The following TMC7 variants were observed in gnomAD, a reference collection of about 807,000 sequenced individuals.
TMC7 encodes the protein transmembrane channel like 7, also known as transmembrane channel-like protein 7.
TMC7 carries 54 observed loss-of-function variants against 82.9 expected under a neutral mutation model. The ratio of observed to expected loss-of-function variants is 0.65; its 90% CI spans 0.52 to 0.82. The LOEUF (loss-of-function observed/expected upper bound fraction) is 0.82, where lower values mean the gene tolerates loss of function less well. Ranked by LOEUF, TMC7 falls within the 40% of genes least tolerant of loss-of-function variation. The probability of loss-of-function intolerance (pLI) is 0.00; values close to 1 mark genes in which losing one functional copy is unlikely to be tolerated. For missense variants in TMC7, 820 were observed against 901.2 expected (o/e 0.91, Z 1.15); for synonymous variants, 350 against 337.9 (o/e 1.04, Z -0.39).
chr16:18,994,336 G>A (rs2039003226), intron 1 of TMC7, among the ~76,000 whole-genome samples: 1 of 152,004 alleles, frequency 6.6e-6, no homozygotes, highest in African/African-American at 2.4e-5. Context: ...TGCGAAAACA[G>A]TAAGGTCAAG....
intron 11 of TMC7, 78 bp from the exon 12 acceptor site, chr16:19,046,985 A>C (rs1412568472): frequency 7.9e-7 from 1 of 1,269,870 alleles, no homozygotes; most frequent in Non-Finnish European, 1.1e-6. Context: ...TATGCATGGA[A>C]ATAGTCCTGA....
chr16:19,008,570 C>T (rs753430523), intron 1 of TMC7, among the ~76,000 whole-genome samples: 6 of 152,120 alleles, frequency 3.9e-5, no homozygotes, highest in Non-Finnish European at 7.3e-5. Context: ...TCTGCAAGAC[C>T]TCCTAAGGCT....
chr16:18,989,488 T>C (rs1226019138), intron 1 of TMC7, among the ~76,000 whole-genome samples: 1 of 149,584 alleles, frequency 6.7e-6, no homozygotes, highest in Non-Finnish European at 1.5e-5. Flanking sequence ...TTTGTAACAA[T>C]CTGGTTTCCT....
rs1961496457 is a variant in TMC7, at chr16:19,050,669, AG to A, written c.1741-1014del. ...ATGGCTGGCTAATTTTTGTAGAGACAGGGTTTTTTTTAATAGAGATGGGGTT... is the reference window on the plus strand; with the variant it reads ...ATGGCTGGCTAATTTTTGTAGAGACAGGTTTTTTTTAATAGAGATGGGGTT... On this transcript the variant is annotated intron_variant, in intron 12 of 15. Coordinates refer to ENST00000304381, the MANE Select transcript of TMC7 (RefSeq NM_024847.4). Among the ~76,000 whole-genome samples the A allele has an allele frequency of 2.6e-5, 4 of 151,978 alleles. No homozygotes were observed. In the South Asian group the frequency reaches 8.3e-4, roughly 32 times the overall value.
intron 11 of TMC7, 26 bp downstream of exon 11, chr16:19,045,464 TCCC>T (rs770111267): frequency 6.7e-7 from 1 of 1,498,054 alleles, no homozygotes; most frequent in African/African-American, 1.4e-5. Flanking sequence ...GCCCATATTA[TCCC>T]CCCCACCACA....
intron 2 of TMC7, among the ~76,000 whole-genome samples, chr16:19,013,105 C>T (rs955695156): frequency 6.6e-6 from 1 of 151,342 alleles, no homozygotes; most frequent in Non-Finnish European, 1.5e-5. Context: ...GCTTAGCCAC[C>T]GCACCGGGCC....
chr16:19,003,320 A>AAT (rs2039173487), intron 1 of TMC7, among the ~76,000 whole-genome samples: 1 of 152,216 alleles, frequency 6.6e-6, no homozygotes, highest in African/African-American at 2.4e-5. Context: ...TCTCAAAAAA[A>AAT]ATAAAAAATA....
chr16:19,025,036 G>C (rs986521021), intron 5 of TMC7, among the ~76,000 whole-genome samples: 6 of 152,060 alleles, frequency 3.9e-5, no homozygotes, highest in Middle Eastern at 3.4e-3. Flanking sequence ...ATAAGTACTG[G>C]GGGAACAGGC....
chr16:19,015,239 C>T (rs1480834817), intron 2 of TMC7, among the ~76,000 whole-genome samples: 4 of 151,736 alleles, frequency 2.6e-5, no homozygotes, highest in Non-Finnish European at 4.4e-5. Context: ...GATGGGATTA[C>T]AAGTGTGAGC....
At chr16:18,991,896 G>A (rs574625561) in intron 1 of TMC7, among the ~76,000 whole-genome samples, 12 of 152,256 alleles carry the variant, frequency 7.9e-5, no homozygotes, top group East Asian at 1.9e-4. Context: ...GGTTTCCAGC[G>A]TCATCCATGT....
intron 9 of TMC7, among the ~76,000 whole-genome samples, chr16:19,042,397 A>G (rs930965777): frequency 6.7e-6 from 1 of 148,200 alleles, no homozygotes; most frequent in Non-Finnish European, 1.5e-5. Flanking sequence ...CTGTTCTCAA[A>G]CTCCTGGGCT....
intron 1 of TMC7, among the ~76,000 whole-genome samples, chr16:18,993,962 C>T (rs952168389): frequency 4.6e-5 from 7 of 151,972 alleles, no homozygotes; most frequent in Non-Finnish European, 1.0e-4. Flanking sequence ...GTGGAGCTGC[C>T]ATCAATAAAC....
At chr16:19,031,815 C>T (rs1167149018) in intron 6 of TMC7, among the ~76,000 whole-genome samples, 2 of 152,176 alleles carry the variant, frequency 1.3e-5, no homozygotes, top group Non-Finnish European at 1.5e-5. Context: ...CCATCTTCAG[C>T]ATGTGGCTTC....
At chr16:19,002,942 T>TA (rs2039167661) in intron 1 of TMC7, among the ~76,000 whole-genome samples, 1 of 152,230 alleles carries the variant, frequency 6.6e-6, no homozygotes. Context: ...ATCAAGGCTC[T>TA]AAGTGGTGAA....
intron 5 of TMC7, among the ~76,000 whole-genome samples, chr16:19,024,540 T>C (rs1960132194): frequency 6.6e-6 from 1 of 152,184 alleles, no homozygotes; most frequent in Admixed American, 6.6e-5. Flanking sequence ...CTTGGCACTA[T>C]TGATATTCTT....
At chr16:18,991,831 C>T (rs956799891) in intron 1 of TMC7, among the ~76,000 whole-genome samples, 2 of 151,956 alleles carry the variant, frequency 1.3e-5, no homozygotes, top group Non-Finnish European at 2.9e-5. Flanking sequence ...TGAGAACATG[C>T]GGTGTTTGGT....
chr16:19,027,393 A>G (rs1034593764), intron 5 of TMC7, among the ~76,000 whole-genome samples: 1 of 152,030 alleles, frequency 6.6e-6, no homozygotes, highest in East Asian at 1.9e-4. Flanking sequence ...TGAGCACTTG[A>G]AATATGTCTA....
At chr16:19,024,661 C>T (rs928986664) in intron 5 of TMC7, among the ~76,000 whole-genome samples, 41 of 151,808 alleles carry the variant, frequency 2.7e-4, no homozygotes, top group African/African-American at 9.7e-4. Flanking sequence ...TGGGCTTAAA[C>T]GATTTTCCCA....
At chr16:19,039,067 G>T (rs1330199175) in intron 8 of TMC7, among the ~76,000 whole-genome samples, 2 of 150,548 alleles carry the variant, frequency 1.3e-5, no homozygotes, top group Admixed American at 6.7e-5. Context: ...CCTAGGATAT[G>T]GTTTTCTTTT....
Sources: allele counts gnomAD v4.1 joint callset (sites outside exome capture counted in the v4.1 genomes callset), GRCh38; gene constraint gnomAD v4.1.1; transcripts MANE v1.5; gene names NCBI Gene and HGNC (gene_info 2026-07-23, HGNC 2026-07-21).